CACNB2: variants seen among roughly 807,000 people sequenced by gnomAD.
The protein encoded by CACNB2 is voltage-dependent L-type calcium channel subunit beta-2.
Under a neutral mutation model 73.3 loss-of-function variants are expected in CACNB2, and 42 were observed. The ratio of observed to expected loss-of-function variants is 0.57; its 90% confidence interval spans 0.45 to 0.74. The LOEUF is 0.74. Ranked by LOEUF, CACNB2 falls within the 30% of genes least tolerant of loss-of-function variation. The pLI, the probability that CACNB2 is intolerant of heterozygous loss-of-function variation, is 0.00. For missense variants in CACNB2, 940 were observed against 853.0 expected (o/e 1.10, Z -1.27); for synonymous variants, 348 against 310.3 (o/e 1.12, Z -1.28).
intron 2 of CACNB2, among the ~76,000 whole-genome samples, chr10:18,202,001 G>A (rs1277758): frequency 0.87 from 131,555 of 151,862 alleles, 57,173 homozygotes; most frequent in Non-Finnish European, 0.9. Context: ...TATGTAGCCA[G>A]GAAGAAAATG....
intron 3 of CACNB2, among the ~76,000 whole-genome samples, chr10:18,445,059 C>G (rs2046664301): frequency 6.6e-6 from 1 of 152,104 alleles, no homozygotes; most frequent in African/African-American, 2.4e-5. Flanking sequence ...ATTGAATTTG[C>G]CCCAGTTTTT....
At chr10:18,319,453 G>T (rs1255013561) in intron 2 of CACNB2, among the ~76,000 whole-genome samples, 1 of 151,930 alleles carries the variant, frequency 6.6e-6, no homozygotes, top group Admixed American at 6.6e-5. Flanking sequence ...CTCAGGGGGT[G>T]GGGGGCAAGG....
At chr10:18,220,154 T>TATAC (rs2035688988) in intron 2 of CACNB2, among the ~76,000 whole-genome samples, 2 of 33,652 alleles carry the variant, frequency 5.9e-5, no homozygotes, top group East Asian at 9.8e-4. Context: ...TATATATATA[T>TATAC]ACACACACAC....
chr10:18,328,779 C>G (rs534586286), intron 2 of CACNB2, among the ~76,000 whole-genome samples: 1 of 152,302 alleles, frequency 6.6e-6, no homozygotes, highest in South Asian at 2.1e-4. Flanking sequence ...TTCAGGGATT[C>G]TGAGCTATTT....
At chr10:18,200,593 T>C (rs1438413502) in intron 2 of CACNB2, among the ~76,000 whole-genome samples, 1 of 152,158 alleles carries the variant, frequency 6.6e-6, no homozygotes, top group Non-Finnish European at 1.5e-5. Context: ...ATGTTTTCTG[T>C]ACAATTGCAT....
intron 9 of CACNB2, among the ~76,000 whole-genome samples, chr10:18,522,155 C>T (rs1477108912): frequency 6.6e-6 from 1 of 152,000 alleles, no homozygotes; most frequent in Non-Finnish European, 1.5e-5. Context: ...GCCTGGTGTT[C>T]TTTCACTGTC....
intron 2 of CACNB2, among the ~76,000 whole-genome samples, chr10:18,161,922 CCTT>C (rs1261737284): frequency 6.6e-6 from 1 of 151,806 alleles, no homozygotes; most frequent in African/African-American, 2.4e-5. Context: ...GAGTGAGACT[CCTT>C]CTCAGAAATA....
chr10:18,159,998 AC>A (rs1241204973), intron 2 of CACNB2, among the ~76,000 whole-genome samples: 1 of 152,130 alleles, frequency 6.6e-6, no homozygotes, highest in African/African-American at 2.4e-5. Flanking sequence ...AAAAATATTG[AC>A]CTTTTTAAAT....
chr10:18,275,968 G>T (rs1156543674), intron 2 of CACNB2, among the ~76,000 whole-genome samples: 1 of 152,186 alleles, frequency 6.6e-6, no homozygotes, highest in Non-Finnish European at 1.5e-5. Flanking sequence ...ACTTTGTTCA[G>T]ATTTAATGAG....
chr10:18,260,452 G>A lies in CACNB2; in HGVS notation c.213+109477G>A, dbSNP rs1016581270. On this transcript the variant is annotated intron_variant, in intron 2 of 13. Coordinates refer to ENST00000324631, the MANE Select transcript of CACNB2 (RefSeq NM_201596.3). ...CCAGAAAATGAACATTTGCCAGCGAGCACCAAACAACTGTGCGCCGCAGTG... is the reference window on the plus strand; with the variant it reads ...CCAGAAAATGAACATTTGCCAGCGAACACCAAACAACTGTGCGCCGCAGTG... The A allele has an allele frequency of 5.1e-6, 5 of 985,324 alleles. No homozygotes were observed. In the African/African-American group the frequency reaches 7.0e-5, roughly 14 times the overall value. The allele number at this position is 985,324 out of a possible 1,614,324, so 61.0% of individuals were successfully genotyped here. A position where few individuals can be genotyped will look rare whatever the true frequency, so the allele number is the denominator to read the frequency against.
chr10:18,430,212 A>T (rs1196050717), intron 3 of CACNB2, among the ~76,000 whole-genome samples: 4 of 152,148 alleles, frequency 2.6e-5, no homozygotes, highest in Non-Finnish European at 5.9e-5. Context: ...GCCAAATGTC[A>T]ACAGACATCC....
chr10:18,372,657 T>G lies in CACNB2; in HGVS notation c.214-29267T>G, dbSNP rs138320835. On this transcript the variant is annotated intron_variant, in intron 2 of 13. Coordinates refer to ENST00000324631, the MANE Select transcript of CACNB2 (RefSeq NM_201596.3). ...TCTGACCTCAGGTCATCCACCCGCCTTCGCCTCCCAAAGTGCTGGGATTAC... is the reference window on the plus strand; with the variant it reads ...TCTGACCTCAGGTCATCCACCCGCCGTCGCCTCCCAAAGTGCTGGGATTAC... Among the ~76,000 whole-genome samples, 1,299 of 152,322 alleles carry G rather than the reference T, an allele frequency of 8.5e-3. 22 individuals are homozygous for G. Among genetic ancestry groups the G allele is most frequent in the African/African-American group, 0.029 (1,222 of 41,570 alleles).
intron 2 of CACNB2, among the ~76,000 whole-genome samples, chr10:18,312,524 A>C (rs1214119135): frequency 6.6e-6 from 1 of 152,198 alleles, no homozygotes; most frequent in African/African-American, 2.4e-5. Context: ...CTTGTCGATG[A>C]CTATAAGGAG....
intron 2 of CACNB2, among the ~76,000 whole-genome samples, chr10:18,278,949 C>G (rs966682341): frequency 6.6e-6 from 1 of 151,880 alleles, no homozygotes; most frequent in African/African-American, 2.4e-5. Context: ...CCCAGGAAGT[C>G]AAGGCTGCAG....
At chr10:18,347,452 A>G (rs918209730) in intron 2 of CACNB2, among the ~76,000 whole-genome samples, 2 of 150,058 alleles carry the variant, frequency 1.3e-5, no homozygotes, top group African/African-American at 4.9e-5. Flanking sequence ...TGGCCTCTCA[A>G]AGTGCTGGGA....
intron 3 of CACNB2, among the ~76,000 whole-genome samples, chr10:18,470,293 C>T (rs959225340): frequency 6.7e-6 from 1 of 149,842 alleles, no homozygotes; most frequent in Non-Finnish European, 1.5e-5. Context: ...TTGAGGTTGG[C>T]CTGGCCAACA....
chr10:18,425,835 T>C (rs2045571596), intron 3 of CACNB2, among the ~76,000 whole-genome samples: 1 of 152,216 alleles, frequency 6.6e-6, no homozygotes, highest in Non-Finnish European at 1.5e-5. Context: ...GGAATCTGAC[T>C]TCATGTAGAA....
At chr10:18,362,811 GGA>G (rs1207689315) in intron 2 of CACNB2, among the ~76,000 whole-genome samples, 1 of 152,146 alleles carries the variant, frequency 6.6e-6, no homozygotes, top group African/African-American at 2.4e-5. Context: ...GGGAGGCTGA[GGA>G]GAGAGAATCA....
intron 1 of CACNB2, 91 bp from the exon 2 acceptor site, chr10:18,150,792 T>C: frequency 1.2e-6 from 1 of 805,150 alleles, no homozygotes; most frequent in Admixed American, 2.6e-5. Context: ...GTTTTTGGTC[T>C]TTGACATTTT....
Sources: gnomAD v4.1 joint callset for allele counts (sites outside exome capture counted in the v4.1 genomes callset) on GRCh38, gnomAD v4.1.1 for gene constraint, MANE v1.5 for transcripts, NCBI Gene and HGNC (gene_info 2026-07-23, HGNC 2026-07-21) for gene names.